MAPK6: variants seen among roughly 807,000 people sequenced by gnomAD.
MAPK6 encodes ERK-3.
MAPK6 carries 19 observed loss-of-function variants against 59.3 expected under a neutral mutation model. That is an observed-to-expected ratio of 0.32 (90% CI 0.22 to 0.47). The LOEUF (loss-of-function observed/expected upper bound fraction) is 0.47, where lower values mean the gene tolerates loss of function less well. Ranked by LOEUF, MAPK6 falls within the 20% of genes least tolerant of loss-of-function variation. The pLI, the probability that MAPK6 is intolerant of heterozygous loss-of-function variation, is 1.00. For synonymous variants in MAPK6, 316 were observed against 290.3 expected (o/e 1.09, Z -0.90); for missense variants, 724 against 847.9 (o/e 0.85, Z 1.81).
intron 1 of MAPK6, among the ~76,000 whole-genome samples, chr15:51,980,907 A>C (rs564128685): frequency 6.6e-6 from 1 of 151,390 alleles, no homozygotes; most frequent in Non-Finnish European, 1.5e-5. Flanking sequence ...AGCTATTTCA[A>C]CGTAGAGCTG....
At chr15:51,992,305 A>ATATT (rs572519819) in intron 2 of MAPK6, among the ~76,000 whole-genome samples, 1,392 of 101,346 alleles carry the variant, frequency 0.014, 49 homozygotes, top group African/African-American at 0.047. Flanking sequence ...ATATATATAT[A>ATATT]TTTTTTTTTT....
chr15:52,027,194 A>G (rs774574718), intron 1 of MAPK6, among the ~76,000 whole-genome samples: 1 of 151,340 alleles, frequency 6.6e-6, no homozygotes, highest in African/African-American at 2.4e-5. Context: ...TCTACTAAAA[A>G]TACGAAAAAA....
chr15:52,054,716 A>G (rs1036761892), intron 3 of MAPK6, among the ~76,000 whole-genome samples: 1 of 90,930 alleles, frequency 1.1e-5, no homozygotes, highest in Non-Finnish European at 2.3e-5. Context: ...TAAAGTGTAC[A>G]TACATATATC....
intron 4 of MAPK6, 85 bp from the exon 5 acceptor site, chr15:52,061,214 C>A: frequency 1.0e-6 from 1 of 998,602 alleles, no homozygotes; most frequent in South Asian, 1.3e-5. Context: ...CTTAGCTAGT[C>A]ATTGAAATAA....
At chr15:52,047,614 A>G (rs958442504) in intron 2 of MAPK6, among the ~76,000 whole-genome samples, 4 of 147,808 alleles carry the variant, frequency 2.7e-5, no homozygotes, top group Non-Finnish European at 4.5e-5. Flanking sequence ...CCAAAATGCT[A>G]GGATTACAGG....
intron 2 of MAPK6, among the ~76,000 whole-genome samples, chr15:51,984,798 G>A (rs1188125035): frequency 3.3e-5 from 5 of 151,900 alleles, no homozygotes; most frequent in Non-Finnish European, 7.4e-5. Context: ...CACTTGGGAA[G>A]AGATCTACAC....
intron 1 of MAPK6, chr15:52,027,926 C>G (rs1355861059): frequency 6.7e-6 from 1 of 149,184 alleles, no homozygotes; most frequent in African/African-American, 2.5e-5. Flanking sequence ...GTGCCCACCA[C>G]CACGCCCGGC....
intron 1 of MAPK6, among the ~76,000 whole-genome samples, chr15:52,034,229 C>T (rs1286371831): frequency 2.0e-5 from 3 of 152,218 alleles, no homozygotes; most frequent in Non-Finnish European, 4.4e-5. Flanking sequence ...AGGTGATCCG[C>T]CCGCCTCAGC....
At chr15:52,034,807 C>T (rs2141882667) in intron 1 of MAPK6, among the ~76,000 whole-genome samples, 1 of 152,270 alleles carries the variant, frequency 6.6e-6, no homozygotes, top group African/African-American at 2.4e-5. Context: ...AAGTGATTCT[C>T]CTGCTTCAGC....
At chr15:52,016,808 G>A (rs1271378011), upstream of MAPK6, among the ~76,000 whole-genome samples, 1 of 152,176 alleles carries the variant, frequency 6.6e-6, no homozygotes, top group Non-Finnish European at 1.5e-5. Context: ...CACTTTCGGA[G>A]GGCAAGGCTG....
In MAPK6 at chr15:52,064,883, C is replaced by T. The variant is rs374344662; in HGVS notation, c.2049C>T (p.His683=). Residue 683 remains histidine (H), a synonymous_variant, in exon 6 of 6, where the codon CAC becomes CAT. Transcript: ENST00000261845. The part of the protein sequence containing the change: ...QLESIGIPQF[H]SPVGSPLKSI... ...AGTCCATAGGCATCCCACAGTTTCA[C>T]AGTCCAGTTGGGTCACCACTTAAGT... 5 of 1,611,990 alleles carry T rather than the reference C, an allele frequency of 3.1e-6. 1 individual carries two copies. Among genetic ancestry groups the T allele is most frequent in the Non-Finnish European group, 4.2e-6 (5 of 1,179,824 alleles).
At chr15:52,058,585 TA>T in intron 3 of MAPK6, 47 bp from the exon 4 acceptor site, 4 of 1,459,608 alleles carry the variant, frequency 2.7e-6, no homozygotes, top group Non-Finnish European at 3.7e-6. Flanking sequence ...TATTGTGAAA[TA>T]AGTAAACATT....
chr15:52,032,787 T>C (rs2031090244), intron 1 of MAPK6, among the ~76,000 whole-genome samples: 1 of 152,052 alleles, frequency 6.6e-6, no homozygotes, highest in Non-Finnish European at 1.5e-5. Flanking sequence ...CAAGTTCAAG[T>C]GATTCTCCTG....
At chr15:52,047,619 T>TA (rs2031634857) in intron 2 of MAPK6, among the ~76,000 whole-genome samples, 1 of 151,802 alleles carries the variant, frequency 6.6e-6, no homozygotes, top group South Asian at 2.1e-4. Context: ...ATGCTAGGAT[T>TA]ACAGGTGTGA....
At chr15:51,976,304 A>G (rs1446944020) in intron 1 of MAPK6, among the ~76,000 whole-genome samples, 2 of 151,108 alleles carry the variant, frequency 1.3e-5, no homozygotes, top group Non-Finnish European at 2.9e-5. Context: ...ATTATAAACT[A>G]TGTAGAGGTA....
chr15:51,999,784 CAG>C (rs1243818254), intron 2 of MAPK6, among the ~76,000 whole-genome samples: 2 of 152,216 alleles, frequency 1.3e-5, no homozygotes, highest in Non-Finnish European at 2.9e-5. Context: ...GCTGGGACTA[CAG>C]GTGCATGCCA....
At position 52,064,876 on chromosome 15, in the gene MAPK6, A is replaced by G. The variant is rs2141138634; in HGVS notation, c.2042A>G (p.Gln681Arg). The G allele has an allele frequency of 1.2e-6, 2 of 1,611,998 alleles. No individual in the cohort carries two copies. Among genetic ancestry groups the G allele is most frequent in the African/African-American group, 1.3e-5 (1 of 74,974 alleles). The change falls in exon 6 of 6, where the codon CAG becomes CGG. Residue 681 changes from glutamine to arginine, a missense_variant. This residue lies in a region of MAPK6 where 502 missense variants were observed against 507.6 expected (regional missense o/e 0.99). Transcript: ENST00000261845. ...CAGCTCGAGTCCATAGGCATCCCAC[A>G]GTTTCACAGTCCAGTTGGGTCACCA... ...NKQLESIGIP[Q>R]FHSPVGSPLK...
intron 1 of MAPK6, among the ~76,000 whole-genome samples, chr15:52,030,641 T>TTTTTTG (rs2030993310): frequency 8.9e-6 from 1 of 111,988 alleles, no homozygotes; most frequent in African/African-American, 3.3e-5. Context: ...TTTTTTTTTT[T>TTTTTTG]GAGGCAGAGT....
chr15:52,016,070 G>GCGCGCGCACACACACACACACACA, upstream of MAPK6, among the ~76,000 whole-genome samples: 8 of 55,388 alleles, frequency 1.4e-4, no homozygotes, highest in Admixed American at 3.9e-4. Flanking sequence ...GCGCGCGCGC[G>GCGCGCGCACACACACACACACACA]CACACACACA....
Sources: gnomAD v4.1 joint callset for allele counts (sites outside exome capture counted in the v4.1 genomes callset) on GRCh38, gnomAD v4.1.1 for gene constraint, gnomAD v4.1.1 regional missense constraint, MANE v1.5 for transcripts, NCBI Gene and HGNC (gene_info 2026-07-23, HGNC 2026-07-21) for gene names.